The following ZCWPW2 variants were observed in gnomAD, a reference collection of about 807,000 sequenced individuals.
The protein encoded by ZCWPW2 is zinc finger CW-type PWWP domain protein 2.
A neutral mutation model predicts 46.6 loss-of-function variants in ZCWPW2; 45 were observed. That is an observed-to-expected ratio of 0.96 (90% confidence interval 0.76 to 1.24). The LOEUF (loss-of-function observed/expected upper bound fraction) is 1.24. ZCWPW2 is among the 50% of genes most tolerant of loss of function. The pLI is 0.00. For missense variants in ZCWPW2, 429 were observed against 403.9 expected, an observed-to-expected ratio of 1.06 and a Z score of -0.53; for synonymous variants, 152 against 137.1, an observed-to-expected ratio of 1.11 and a Z score of -0.76.
intron 3 of ZCWPW2, among the ~76,000 whole-genome samples, chr3:28,424,253 A>ACG (rs1286698693): frequency 6.6e-6 from 1 of 151,756 alleles, no homozygotes; most frequent in Non-Finnish European, 1.5e-5. Flanking sequence ...ACACACACAC[A>ACG]CACACACACA....
chr3:28,355,410 A>G (rs1030194616), intron 1 of ZCWPW2, among the ~76,000 whole-genome samples: 3 of 152,246 alleles, frequency 2.0e-5, no homozygotes, highest in Non-Finnish European at 2.9e-5. Flanking sequence ...ATATTGTGAA[A>G]ATGGCCATAC....
chr3:28,436,516 G>T (rs1697506841), intron 4 of ZCWPW2, among the ~76,000 whole-genome samples: 1 of 151,800 alleles, frequency 6.6e-6, no homozygotes, highest in Non-Finnish European at 1.5e-5. Flanking sequence ...TTTAAAACAT[G>T]CAATTTAATC....
intron 3 of ZCWPW2, among the ~76,000 whole-genome samples, chr3:28,424,981 G>A (rs535165954): frequency 6.6e-6 from 1 of 152,290 alleles, no homozygotes; most frequent in East Asian, 1.9e-4. Context: ...TGGAAGCACA[G>A]TATTTGTATT....
intron 6 of ZCWPW2, among the ~76,000 whole-genome samples, chr3:28,510,456 C>T (rs1700397110): frequency 6.6e-6 from 1 of 152,026 alleles, no homozygotes; most frequent in Admixed American, 6.6e-5. Flanking sequence ...TACTCCATTA[C>T]CAATTTGTCT....
intron 1 of ZCWPW2, among the ~76,000 whole-genome samples, chr3:28,380,414 G>GCAAA (rs1052961971): frequency 6.6e-6 from 1 of 152,080 alleles, no homozygotes; most frequent in East Asian, 1.9e-4. Flanking sequence ...ACAGAAACGT[G>GCAAA]CAAACAAACA....
Position 28,348,870 on chromosome 3 carries a change from C to G in ZCWPW2, c.-467C>G. On this transcript the variant is annotated 5_prime_UTR_variant, in exon 1 of 10. Coordinates refer to ENST00000383768, the MANE Select transcript of ZCWPW2 (RefSeq NM_001040432.4). ...GGCCGGGCCGACGCGAGAGAAGGCC[C>G]GTTACCCAGCAATACGCGCGCGAGA... The G allele has an allele frequency of 1.2e-6, 1 of 844,620 alleles. No individual in the cohort carries two copies. Among genetic ancestry groups the G allele is most frequent in the Non-Finnish European group, 1.4e-6 (1 of 701,368 alleles). 52.3% of individuals were successfully genotyped at this position (844,620 alleles called of 1,614,324 possible).
At chr3:28,465,698 A>G in intron 4 of ZCWPW2, among the ~76,000 whole-genome samples, 1 of 152,312 alleles carries the variant, frequency 6.6e-6, no homozygotes, top group East Asian at 1.9e-4. Context: ...GGAAGAAGAA[A>G]AATTACATTA....
intron 1 of ZCWPW2, among the ~76,000 whole-genome samples, chr3:28,376,982 C>G (rs1158539046): frequency 6.6e-6 from 1 of 151,956 alleles, no homozygotes; most frequent in Admixed American, 6.6e-5. Flanking sequence ...AAATTATATT[C>G]TTTATTCCTT....
chr3:28,401,337 A>C (rs1046707458), intron 2 of ZCWPW2, among the ~76,000 whole-genome samples: 12 of 152,232 alleles, frequency 7.9e-5, no homozygotes, highest in African/African-American at 2.9e-4. Flanking sequence ...TGCAGAATCG[A>C]TAAGAATTCA....
intron 4 of ZCWPW2, among the ~76,000 whole-genome samples, chr3:28,468,898 G>C (rs1698931785): frequency 6.6e-6 from 1 of 152,094 alleles, no homozygotes; most frequent in Admixed American, 6.5e-5. Flanking sequence ...ACTGGCAATA[G>C]AAAGTACACA....
At chr3:28,447,366 A>C (rs938592623) in intron 4 of ZCWPW2, among the ~76,000 whole-genome samples, 1 of 152,130 alleles carries the variant, frequency 6.6e-6, no homozygotes, top group Non-Finnish European at 1.5e-5. Context: ...AAATCAACTA[A>C]TGTAATACAC....
At chr3:28,366,071 C>A (rs1041049666) in intron 1 of ZCWPW2, among the ~76,000 whole-genome samples, 4 of 151,994 alleles carry the variant, frequency 2.6e-5, no homozygotes, top group African/African-American at 7.2e-5. Context: ...TCTAGATATA[C>A]AATCATGTCA....
At chr3:28,501,344 G>C (rs1246122695) in intron 6 of ZCWPW2, among the ~76,000 whole-genome samples, 1 of 152,132 alleles carries the variant, frequency 6.6e-6, no homozygotes, top group African/African-American at 2.4e-5. Context: ...TGGGACCCTT[G>C]TTATTGGTTG....
At chr3:28,392,134 C>T (rs1477395799) in intron 2 of ZCWPW2, among the ~76,000 whole-genome samples, 1 of 152,058 alleles carries the variant, frequency 6.6e-6, no homozygotes, top group Non-Finnish European at 1.5e-5. Context: ...TGGAAAAAGA[C>T]ATTTCATGCA....
chr3:28,515,450 T>C (rs1700535364), intron 7 of ZCWPW2, 104 bp from the exon 8 acceptor site: 2 of 818,598 alleles, frequency 2.4e-6, no homozygotes, highest in Non-Finnish European at 3.9e-6. Flanking sequence ...CTTTAGAAAA[T>C]ATATGCATTT....
At chr3:28,467,278 A>G (rs927176849) in intron 4 of ZCWPW2, among the ~76,000 whole-genome samples, 6 of 149,868 alleles carry the variant, frequency 4.0e-5, no homozygotes, top group Non-Finnish European at 7.4e-5. Context: ...CAAAAGTACT[A>G]AAATACAAAC....
intron 5 of ZCWPW2, among the ~76,000 whole-genome samples, chr3:28,484,461 G>C (rs147186102): frequency 8.5e-5 from 13 of 152,194 alleles, no homozygotes; most frequent in Non-Finnish European, 1.6e-4. Context: ...TTTAATAATT[G>C]TAGGCCTATT....
At chr3:28,485,824 T>A (rs1699580982) in intron 5 of ZCWPW2, among the ~76,000 whole-genome samples, 1 of 152,168 alleles carries the variant, frequency 6.6e-6, no homozygotes, top group African/African-American at 2.4e-5. Flanking sequence ...GTCATATTTG[T>A]TATTATTTTC....
At position 28,350,793 on chromosome 3, in the gene ZCWPW2, AC is replaced by A. The variant is rs545576568; in HGVS notation, c.-134+1591del. On this transcript the variant is annotated intron_variant, in intron 1 of 9. Transcript: ENST00000383768. ...ACCTCTGATAAGTTAATTAAAAGAT[AC>A]AGTCTTGATAAGGACATTTTATAGG... Among the ~76,000 whole-genome samples, 151 of 152,040 alleles carry A rather than the reference AC, an allele frequency of 9.9e-4. 4 individuals carry two copies. The highest frequency in any genetic ancestry group is 6.8e-3 in the Middle Eastern group (2 of 294).
Sources: allele counts gnomAD v4.1 joint callset (sites outside exome capture counted in the v4.1 genomes callset), GRCh38; gene constraint gnomAD v4.1.1; transcripts MANE v1.5; gene names NCBI Gene and HGNC (gene_info 2026-07-23, HGNC 2026-07-21).